The following CCDC73 variants were observed in gnomAD, a reference collection of about 807,000 sequenced individuals.
CCDC73 encodes coiled-coil domain-containing protein 73.
A neutral mutation model predicts 116.5 loss-of-function variants in CCDC73; 95 were observed. The observed-to-expected ratio is 0.82, with a 90% CI of 0.69 to 0.97. The LOEUF (loss-of-function observed/expected upper bound fraction) is 0.97. CCDC73 is among the 50% of genes least tolerant of loss of function. The pLI, the probability that CCDC73 is intolerant of heterozygous loss-of-function variation, is 0.00. For missense variants in CCDC73, 1,066 were observed against 1,206.8 expected (o/e 0.88, Z 1.73); for synonymous variants, 398 against 401.3 (o/e 0.99, Z 0.10).
At chr11:32,733,484 T>A (rs541968011) in intron 2 of CCDC73, among the ~76,000 whole-genome samples, 88 of 152,278 alleles carry the variant, frequency 5.8e-4, no homozygotes, top group Middle Eastern at 6.8e-3. Flanking sequence ...CAGCACCACA[T>A]CACACTTATT....
the CCDC73 span, among the ~76,000 whole-genome samples, chr11:32,817,214 G>A: frequency 1.3e-5 from 2 of 152,202 alleles, no homozygotes; most frequent in Admixed American, 1.3e-4. Context: ...TTTTTTAAAC[G>A]TCAACGCAAT....
chr11:32,740,390 A>G (rs1850172832), intron 2 of CCDC73, among the ~76,000 whole-genome samples: 1 of 151,948 alleles, frequency 6.6e-6, no homozygotes, highest in Admixed American at 6.6e-5. Flanking sequence ...TGGTCTCTTC[A>G]GGTTTTGGAT....
At chr11:32,749,506 C>T (rs1347556859) in intron 2 of CCDC73, among the ~76,000 whole-genome samples, 1 of 152,128 alleles carries the variant, frequency 6.6e-6, no homozygotes, top group Non-Finnish European at 1.5e-5. Context: ...CTCTCTTTCT[C>T]TGGGACTGGT....
At chr11:32,641,809 C>T in intron 13 of CCDC73, among the ~76,000 whole-genome samples, 163 bp downstream of exon 13, 1 of 151,196 alleles carries the variant, frequency 6.6e-6, no homozygotes, top group African/African-American at 2.4e-5. Context: ...TTAAATTTAG[C>T]TTTTAAAAAG....
At chr11:32,667,325 C>T (rs1187621176) in intron 9 of CCDC73, among the ~76,000 whole-genome samples, 1 of 152,250 alleles carries the variant, frequency 6.6e-6, no homozygotes, top group Non-Finnish European at 1.5e-5. Flanking sequence ...TTCGAGCTTC[C>T]TGGCCGCTTT....
At chr11:32,700,759 TAGAC>T (rs1196333581) in intron 5 of CCDC73, 28 bp downstream of exon 5, 4 of 1,098,954 alleles carry the variant, frequency 3.6e-6, no homozygotes, top group Non-Finnish European at 5.2e-6. Flanking sequence ...TACTTTTTAA[TAGAC>T]AGAAAATTTT....
At chr11:32,640,877 C>T (rs973286647) in intron 13 of CCDC73, among the ~76,000 whole-genome samples, 3 of 151,822 alleles carry the variant, frequency 2.0e-5, no homozygotes, top group East Asian at 1.9e-4. Context: ...ATTAGCCGGG[C>T]GTGGTGGCGG....
At chr11:32,627,426 T>C (rs1227234911) in intron 14 of CCDC73, among the ~76,000 whole-genome samples, 1 of 152,128 alleles carries the variant, frequency 6.6e-6, no homozygotes, top group Non-Finnish European at 1.5e-5. Context: ...TCTTCAGGGA[T>C]CTAGAAGTAG....
the CCDC73 span, among the ~76,000 whole-genome samples, chr11:32,823,888 T>TTTTTG: frequency 3.2e-4 from 48 of 152,080 alleles, no homozygotes; most frequent in Admixed American, 1.2e-3. Flanking sequence ...TGTTTGTTTG[T>TTTTTG]TTTTGTTTTG....
At chr11:32,690,096 C>G (rs1378576396) in intron 6 of CCDC73, among the ~76,000 whole-genome samples, 1 of 152,076 alleles carries the variant, frequency 6.6e-6, no homozygotes, top group African/African-American at 2.4e-5. Context: ...CAAAATATAT[C>G]TTCTTAGGAG....
At position 32,675,960 on chromosome 11, in the gene CCDC73, A is replaced by T. The variant is rs370155521; in HGVS notation, c.491T>A (p.Ile164Asn). 6.2e-7 allele frequency: 1 copy of T among 1,609,402 alleles called. No individual in the cohort carries two copies. Among genetic ancestry groups the T allele is most frequent in the African/African-American group, 1.3e-5 (1 of 74,774 alleles). Reference protein sequence around the residue: ...KEDYHKQLSEIEKYYATITGQ... With the variant: ...KEDYHKQLSENEKYYATITGQ... ...TGTTATTGTGGCATAATATTTCTCA[A>T]TTTCACTCAGTTGCTTATGATAGTC... is the stretch of plus-strand genomic sequence containing the variant. Residue 164 changes from isoleucine to asparagine, a missense_variant, in exon 8 of 18, where the codon ATT becomes AAT. By Grantham distance (149) the Ile-to-Asn change is moderately radical (BLOSUM62 -3). Coordinates refer to ENST00000335185, the MANE Select transcript of CCDC73 (RefSeq NM_001008391.4).
intron 6 of CCDC73, among the ~76,000 whole-genome samples, chr11:32,685,977 C>A (rs1228902156): frequency 6.6e-6 from 1 of 151,918 alleles, no homozygotes; most frequent in Non-Finnish European, 1.5e-5. Context: ...GCCTCAGCCT[C>A]CCAAAGTGCT....
At chr11:32,606,406 T>C (rs1343887787) in intron 17 of CCDC73, 2 of 152,206 alleles carry the variant, frequency 1.3e-5, no homozygotes, top group African/African-American at 2.4e-5. Context: ...CTTTACAATA[T>C]GCAAAGGAAT....
At chr11:32,694,024 T>C (rs572908296) in intron 6 of CCDC73, among the ~76,000 whole-genome samples, 14 of 152,362 alleles carry the variant, frequency 9.2e-5, no homozygotes, top group Non-Finnish European at 1.8e-4. Flanking sequence ...ATGCCCTCTT[T>C]CACCATTCCT....
At chr11:32,608,449 T>G (rs1300586307) in intron 17 of CCDC73, among the ~76,000 whole-genome samples, 1 of 152,220 alleles carries the variant, frequency 6.6e-6, no homozygotes, top group Non-Finnish European at 1.5e-5. Context: ...GTCACGCTAA[T>G]GCAAGAGGTG....
the CCDC73 span, among the ~76,000 whole-genome samples, chr11:32,807,001 G>A: frequency 1.3e-5 from 2 of 152,178 alleles, no homozygotes; most frequent in African/African-American, 4.8e-5. Flanking sequence ...AGGGCTCCCT[G>A]CTTCTAGTGA....
intron 3 of CCDC73, among the ~76,000 whole-genome samples, chr11:32,703,383 A>G (rs1156713005): frequency 6.6e-6 from 1 of 152,134 alleles, no homozygotes; most frequent in Non-Finnish European, 1.5e-5. Flanking sequence ...CACTGTACCC[A>G]GCCCAATTTT....
intron 2 of CCDC73, among the ~76,000 whole-genome samples, chr11:32,738,309 C>T (rs1387699906): frequency 6.6e-6 from 1 of 152,176 alleles, no homozygotes; most frequent in Non-Finnish European, 1.5e-5. Context: ...TACTAATTTA[C>T]ATTTCCACCA....
chr11:32,737,479 A>G (rs923230939), intron 2 of CCDC73, among the ~76,000 whole-genome samples: 1 of 152,112 alleles, frequency 6.6e-6, no homozygotes, highest in Non-Finnish European at 1.5e-5. Flanking sequence ...CCGTGAGGGC[A>G]TGGTGGCACA....
Sources: gnomAD v4.1 joint callset for allele counts (sites outside exome capture counted in the v4.1 genomes callset) on GRCh38, gnomAD v4.1.1 for gene constraint, MANE v1.5 for transcripts, NCBI Gene and HGNC (gene_info 2026-07-23, HGNC 2026-07-21) for gene names.